SGCG: variants seen among roughly 807,000 people sequenced by gnomAD.
SGCG encodes gamma-sarcoglycan.
Under a neutral mutation model 29.3 loss-of-function variants are expected in SGCG, and 26 were observed. The ratio of observed to expected loss-of-function variants is 0.89; its 90% CI spans 0.65 to 1.23. The LOEUF (loss-of-function observed/expected upper bound fraction) is 1.23, where lower values mean the gene tolerates loss of function less well. Ranked by LOEUF, SGCG falls within the 50% of genes most tolerant of loss-of-function variation. The pLI is 0.00. For synonymous variants in SGCG, 145 were observed against 129.7 expected (o/e 1.12, Z -0.80); for missense variants, 353 against 356.0 (o/e 0.99, Z 0.07).
chr13:23,320,615 G>GCTTCTTTTTC, intron 6 of SGCG, 22 bp from the exon 7 acceptor site: 1 of 710,896 alleles, frequency 1.4e-6, no homozygotes, highest in African/African-American at 4.0e-5. Context: ...TTTTTTTTTT[G>GCTTCTTTTTC]TGCTTCTTTT....
chr13:23,291,831 T>C (rs1178326958), intron 5 of SGCG, among the ~76,000 whole-genome samples: 1 of 152,184 alleles, frequency 6.6e-6, no homozygotes, highest in Non-Finnish European at 1.5e-5. Context: ...TGAAAGTTGA[T>C]TATATGAAAT....
At chr13:23,323,239 G>A (rs1479179884) in intron 7 of SGCG, among the ~76,000 whole-genome samples, 1 of 152,136 alleles carries the variant, frequency 6.6e-6, no homozygotes, top group South Asian at 2.1e-4. Context: ...AGAATGAGGC[G>A]TTAGATAATA....
chr13:23,260,217 T>C (rs1880370953), intron 4 of SGCG, among the ~76,000 whole-genome samples: 1 of 152,212 alleles, frequency 6.6e-6, no homozygotes, highest in Non-Finnish European at 1.5e-5. Flanking sequence ...GCTTTATGAA[T>C]CTGGGTGCTC....
chr13:23,316,631 T>G (rs1408136014), intron 6 of SGCG, among the ~76,000 whole-genome samples: 2 of 152,072 alleles, frequency 1.3e-5, no homozygotes, highest in African/African-American at 4.8e-5. Flanking sequence ...GACTCATGGG[T>G]CCAGGAATCA....
intron 3 of SGCG, among the ~76,000 whole-genome samples, chr13:23,243,149 G>A (rs1879571949): frequency 1.3e-5 from 2 of 152,184 alleles, no homozygotes; most frequent in African/African-American, 4.8e-5. Flanking sequence ...GCTTTACCGT[G>A]TGAACACAGA....
At chr13:23,207,129 A>C (rs950403752) in intron 2 of SGCG, among the ~76,000 whole-genome samples, 2 of 152,210 alleles carry the variant, frequency 1.3e-5, no homozygotes, top group Non-Finnish European at 2.9e-5. Context: ...CATATAGACC[A>C]CTGGAACAGA....
chr13:23,213,137 A>T (rs1878294577), intron 2 of SGCG, among the ~76,000 whole-genome samples: 1 of 152,140 alleles, frequency 6.6e-6, no homozygotes, highest in African/African-American at 2.4e-5. Context: ...CAGTGGTTTC[A>T]CTGGCAAATA....
intron 3 of SGCG, chr13:23,243,876 T>A (rs942965914): frequency 6.6e-6 from 1 of 152,204 alleles, no homozygotes; most frequent in Non-Finnish European, 1.5e-5. Context: ...CTCATTATCA[T>A]GCTAATTATT....
At chr13:23,235,097 G>C (rs370848758) in intron 3 of SGCG, among the ~76,000 whole-genome samples, 5 of 152,182 alleles carry the variant, frequency 3.3e-5, no homozygotes, top group Admixed American at 2.0e-4. Context: ...AGCTGGGCGC[G>C]GTGGCTCACG....
At chr13:23,183,002 A>G (rs1262120866) in intron 1 of SGCG, among the ~76,000 whole-genome samples, 3 of 152,232 alleles carry the variant, frequency 2.0e-5, no homozygotes, top group African/African-American at 7.2e-5. Flanking sequence ...TGTTTTTAAA[A>G]TGCTCAATTA....
chr13:23,194,164 T>C (rs1877393593), intron 1 of SGCG, among the ~76,000 whole-genome samples: 1 of 152,182 alleles, frequency 6.6e-6, no homozygotes. Context: ...CTTCTGGAAA[T>C]ACATCCTTCT....
chr13:23,203,466 A>AC (rs1565998111), intron 1 of SGCG, among the ~76,000 whole-genome samples: 1 of 152,232 alleles, frequency 6.6e-6, no homozygotes, highest in African/African-American at 2.4e-5. Context: ...CGTTTATCAT[A>AC]TATAAAATAT....
At position 23,234,650 on chromosome 13, in the gene SGCG, C is replaced by A; in HGVS notation, c.235C>A (p.Arg79Ser). The change falls in exon 3 of 8, where the codon CGC becomes AGC. Residue 79 changes from arginine (R) to serine (S), a missense_variant. By Grantham distance (110) the Arg-to-Ser change is moderately radical (BLOSUM62 -1). Transcript: ENST00000218867. ...GHLCVTKDGL[R>S]LEGESEFLFP... ...CTTGTGTGTAACAAAAGATGGACTG[C>A]GCTTGGAAGGGGAATCAGAATTTTT... 6.2e-7 allele frequency: 1 copy of A among 1,611,682 alleles called. No individual in the cohort carries two copies. The highest frequency in any genetic ancestry group is 8.5e-7 in the Non-Finnish European group (1 of 1,178,922).
chr13:23,303,753 T>C (rs187675008), intron 6 of SGCG, among the ~76,000 whole-genome samples: 5 of 152,332 alleles, frequency 3.3e-5, no homozygotes, highest in African/African-American at 1.2e-4. Flanking sequence ...CCATGATAAA[T>C]TCCTGGAAGA....
chr13:23,163,951 C>A, the SGCG span, among the ~76,000 whole-genome samples: 1 of 152,080 alleles, frequency 6.6e-6, no homozygotes, highest in African/African-American at 2.4e-5. Flanking sequence ...CTTGGGGTTG[C>A]CTTGCATTTT....
intron 4 of SGCG, among the ~76,000 whole-genome samples, chr13:23,266,026 A>G (rs1283386664): frequency 1.3e-5 from 2 of 152,192 alleles, no homozygotes; most frequent in Non-Finnish European, 1.5e-5. Context: ...ATGCCCATCA[A>G]ACAATGTGTG....
intron 6 of SGCG, among the ~76,000 whole-genome samples, chr13:23,299,462 T>A (rs1882063084): frequency 2.8e-5 from 2 of 70,714 alleles, no homozygotes; most frequent in Non-Finnish European, 5.4e-5. Context: ...ATATATTTTT[T>A]TTTTTTTTTT....
intron 7 of SGCG, among the ~76,000 whole-genome samples, chr13:23,322,818 C>T (rs1017878136): frequency 1.9e-4 from 27 of 139,174 alleles, no homozygotes; most frequent in Non-Finnish European, 3.4e-4. Flanking sequence ...GTGCCGCGGG[C>T]AGAGGATTCA....
intron 6 of SGCG, among the ~76,000 whole-genome samples, chr13:23,310,147 C>G (rs1882518620): frequency 7.6e-6 from 1 of 131,208 alleles, no homozygotes; most frequent in South Asian, 2.6e-4. Flanking sequence ...AGTGCAGTGA[C>G]ACGATCTCGG....
Sources: allele counts gnomAD v4.1 joint callset (sites outside exome capture counted in the v4.1 genomes callset), GRCh38; gene constraint gnomAD v4.1.1; transcripts MANE v1.5; gene names NCBI Gene and HGNC (gene_info 2026-07-23, HGNC 2026-07-21).